PMS2: variants seen among roughly 807,000 people sequenced by gnomAD.
The protein encoded by PMS2 is mismatch repair endonuclease PMS2.
A neutral mutation model predicts 90.0 loss-of-function variants in PMS2; 69 were observed. That is an observed-to-expected ratio of 0.77 (90% confidence interval 0.63 to 0.94). The LOEUF is 0.94. Ranked by LOEUF, PMS2 falls within the 40% of genes least tolerant of loss-of-function variation. The pLI is 0.00. For synonymous variants in PMS2, 332 were observed against 375.1 expected (o/e 0.89, Z 1.33); for missense variants, 966 against 1,040.2 (o/e 0.93, Z 0.98).
At chr7:5,988,398 C>CA (rs573158219) in intron 10 of PMS2, among the ~76,000 whole-genome samples, 18 of 148,242 alleles carry the variant, frequency 1.2e-4, no homozygotes, top group East Asian at 3.9e-4. Context: ...ACTAAAAATA[C>CA]AAAAAAAAAA....
At chr7:6,004,428 A>G in intron 2 of PMS2, 1 of 204,328 alleles carries the variant, frequency 4.9e-6, no homozygotes, top group Non-Finnish European at 9.9e-6. Context: ...CAATAAAGAG[A>G]ACGGGGACCG....
intron 14 of PMS2, among the ~76,000 whole-genome samples, chr7:5,977,141 G>A (rs570579929): frequency 1.1e-4 from 16 of 151,384 alleles, no homozygotes; most frequent in African/African-American, 2.9e-4. Context: ...TGCAAGTTCC[G>A]CCTTCTGGGT....
intron 7 of PMS2, among the ~76,000 whole-genome samples, chr7:5,996,523 G>C (rs1004019854): frequency 6.9e-6 from 1 of 144,888 alleles, no homozygotes; most frequent in African/African-American, 2.5e-5. Context: ...AGTGAGCCAA[G>C]ATCACGGCAC....
At chr7:6,005,752 A>C in intron 2 of PMS2, 140 bp downstream of exon 2, 3 of 1,278,414 alleles carry the variant, frequency 2.3e-6, no homozygotes, top group Non-Finnish European at 3.3e-6. Context: ...CTAGGCACAT[A>C]ATAGGTGCTA....
At chr7:6,006,450 G>A (rs1275422605) in intron 1 of PMS2, among the ~76,000 whole-genome samples, 2 of 152,056 alleles carry the variant, frequency 1.3e-5, no homozygotes, top group African/African-American at 4.8e-5. Flanking sequence ...TCAGGAGTTC[G>A]ACACCAGCCT....
Position 5,987,017 on chromosome 7 carries a change from T to A in PMS2, c.1748A>T (p.Glu583Val), listed in dbSNP as rs1562627848. 1 of 1,614,216 alleles carries A rather than the reference T, an allele frequency of 6.2e-7. No individual in the cohort carries two copies. The highest frequency in any genetic ancestry group is 2.2e-5 in the East Asian group (1 of 44,890). ...ACAAATGTCAGAACTGGAAAGAATT[T>A]CTTCTTTTTTAAAACGCTTTGTGTT... ...TPNTKRFKKE[E>V]ILSSSDICQK... The change falls in exon 11 of 15, where the codon GAA (glutamate) becomes GTA (valine). Residue 583 changes from glutamate (E) to valine (V), a missense_variant. By Grantham distance (121) the Glu-to-Val change is moderately radical. This residue lies in a region of PMS2 where 871 missense variants were observed against 802.4 expected (regional missense o/e 1.09). Transcript: ENST00000265849.
rs187535701 is a variant in PMS2, at chr7:5,995,873, C to T, written c.804-240G>A. ...CCAATGCACCACAGGTGATGCAGTG[C>T]GTCCAAAACTGATGTGTTGCAGCTC... On this transcript the variant is annotated intron_variant, in intron 7 of 14. Transcript: ENST00000265849. 3.3e-5 allele frequency among the ~76,000 whole-genome samples: 5 copies of T among 152,280 alleles called. No individual in the cohort carries two copies. In the East Asian group the frequency reaches 7.7e-4, roughly 23 times the overall value.
chr7:5,989,578 G>A (rs1254989055), intron 10 of PMS2, among the ~76,000 whole-genome samples: 1 of 151,978 alleles, frequency 6.6e-6, no homozygotes, highest in African/African-American at 2.4e-5. Context: ...GAGGCAGGAA[G>A]ATGGCCTGAG....
intron 11 of PMS2, among the ~76,000 whole-genome samples, chr7:5,984,820 T>C (rs1165159462): frequency 6.6e-6 from 1 of 151,636 alleles, no homozygotes; most frequent in Non-Finnish European, 1.5e-5. Flanking sequence ...TTGTTGTTTC[T>C]TTCTATAAGT....
In PMS2 at chr7:6,008,719, T is replaced by C. The variant is rs1334169766; in HGVS notation, c.23+278A>G. Among the ~76,000 whole-genome samples the C allele has an allele frequency of 2.0e-5, 3 of 151,064 alleles. No homozygotes were observed. The Admixed American group carries it at 2.0e-4, about 10-fold the overall frequency. On this transcript the variant is annotated intron_variant, in intron 1 of 14. Transcript: ENST00000265849. ...AAGTCCACGGCCCTGTGATGGGATG[T>C]GGGCAAGGCCTGTCTGGGACAGGCC...
At chr7:6,006,173 T>C (rs1464963706) in intron 1 of PMS2, 142 bp from the exon 2 acceptor site, 12 of 951,504 alleles carry the variant, frequency 1.3e-5, no homozygotes, top group Non-Finnish European at 1.6e-5. Flanking sequence ...ATACATTTAT[T>C]ATATCCAGAA....
intron 1 of PMS2, among the ~76,000 whole-genome samples, chr7:6,006,928 A>G (rs1785842436): frequency 6.6e-6 from 1 of 152,062 alleles, no homozygotes; most frequent in South Asian, 2.1e-4. Context: ...CACCAGAGCT[A>G]TTTTTGAAAT....
At position 5,993,919 on chromosome 7, in the gene PMS2, C is replaced by A. The variant is rs1309907968; in HGVS notation, c.903+1615G>T. 2.9e-5 allele frequency among the ~76,000 whole-genome samples: 4 copies of A among 137,012 alleles called. No homozygotes were observed. In the East Asian group the frequency reaches 6.6e-4, roughly 22 times the overall value. 89.9% of individuals were successfully genotyped at this position (137,012 alleles called of 152,430 possible). A position where few individuals can be genotyped will look rare whatever the true frequency, so the allele number is the denominator to read the frequency against. On this transcript the variant is annotated intron_variant, in intron 8 of 14. Transcript: ENST00000265849. ...ATAGAAACCATGTAATCAGTCTATA[C>A]TGAAAGGTGACATAGAATGTTATAA...
chr7:5,980,697 T>C (rs1562609456), intron 12 of PMS2, among the ~76,000 whole-genome samples: 1 of 108,870 alleles, frequency 9.2e-6, no homozygotes, highest in Non-Finnish European at 1.9e-5. Context: ...GAGGCAGAGG[T>C]TGCAGTAAGC....
At chr7:6,008,338 G>A (rs1399685800) in intron 1 of PMS2, among the ~76,000 whole-genome samples, 4 of 152,186 alleles carry the variant, frequency 2.6e-5, no homozygotes, top group Admixed American at 2.0e-4. Flanking sequence ...ATTCGGTGTA[G>A]CTTACCAGCC....
At chr7:5,996,308 C>G (rs1253658435) in intron 7 of PMS2, among the ~76,000 whole-genome samples, 1 of 150,342 alleles carries the variant, frequency 6.7e-6, no homozygotes, top group East Asian at 2.2e-4. Flanking sequence ...AATTCCAGAG[C>G]CTTGAGAGGC....
intron 1 of PMS2, among the ~76,000 whole-genome samples, chr7:6,008,277 A>G (rs1330534783): frequency 2.6e-5 from 4 of 152,176 alleles, no homozygotes; most frequent in Non-Finnish European, 5.9e-5. Context: ...AAATGCAGAG[A>G]GCAAATTTGC....
At chr7:5,991,833 C>T (rs1219022848) in intron 9 of PMS2, 140 bp downstream of exon 9, 6 of 626,458 alleles carry the variant, frequency 9.6e-6, no homozygotes, top group Middle Eastern at 8.4e-4. Context: ...AGCAAGACCC[C>T]GTCTCAAAAA....
rs3735295 is a variant in PMS2, at chr7:6,008,925, G to A, written c.23+72C>T. 0.2 allele frequency: 311,678 copies of A among 1,564,254 alleles called. 32,692 individuals are homozygous for A. The highest frequency in any genetic ancestry group is 0.32 in the African/African-American group (23,565 of 74,064). On this transcript the variant is annotated intron_variant, in intron 1 of 14. Transcript: ENST00000265849. ...CGGCCATGTTCCCCCCATTTCCAGG[G>A]AGGTTGGAATGCCGTGGGTCTCAAA...
Sources: allele counts gnomAD v4.1 joint callset (sites outside exome capture counted in the v4.1 genomes callset), GRCh38; gene constraint gnomAD v4.1.1; regional missense constraint gnomAD v4.1.1; transcripts MANE v1.5; gene names NCBI Gene and HGNC (gene_info 2026-07-23, HGNC 2026-07-21).